Variants in DST observed in about 807,000 individuals in gnomAD.
DST encodes bullous pemphigoid antigen.
A neutral mutation model predicts 875.2 loss-of-function variants in DST; 253 were observed. The ratio of observed to expected loss-of-function variants is 0.29; its 90% confidence interval spans 0.26 to 0.32. The LOEUF (loss-of-function observed/expected upper bound fraction) is 0.32. DST is among the 10% of genes least tolerant of loss of function. The pLI is 1.00. For missense variants in DST, 8,287 were observed against 9,111.6 expected (o/e 0.91, Z 3.68); for synonymous variants, 3,124 against 3,197.1 (o/e 0.98, Z 0.77).
At position 56,463,074 on chromosome 6, in the gene DST, C is replaced by T. The variant is rs373660690; in HGVS notation, c.23042G>A (p.Cys7681Tyr). 8 of 1,612,942 alleles carry T rather than the reference C, an allele frequency of 5.0e-6. No homozygotes were observed. The highest frequency in any genetic ancestry group is 1.3e-5 in the African/African-American group (1 of 74,880). ...TGCAGATGGCACGGGAAAGTCTGAG[C>T]ACTCTGCTGCTTTACAAGGAGTTGA... ...KMSTPCKAAE[C>Y]SDFPVPSAEG... is the part of the protein sequence containing the mutation. The change falls in exon 102 of 104, where the codon TGC becomes TAC. Residue 7681 changes from cysteine to tyrosine, a missense_variant. Transcript: ENST00000680361.
At chr6:56,551,328 A>G (rs1433129148) in intron 61 of DST, among the ~76,000 whole-genome samples, 1 of 152,204 alleles carries the variant, frequency 6.6e-6, no homozygotes, top group African/African-American at 2.4e-5. Flanking sequence ...GGTGCAATAT[A>G]TCTTTGCCAG....
intron 22 of DST, among the ~76,000 whole-genome samples, chr6:56,637,492 T>C (rs764065462): frequency 2.0e-5 from 3 of 152,158 alleles, no homozygotes; most frequent in Non-Finnish European, 4.4e-5. Flanking sequence ...CAGAAATATA[T>C]GGTTATGTCG....
intron 5 of DST, among the ~76,000 whole-genome samples, chr6:56,732,912 T>C (rs1245008135): frequency 6.6e-6 from 1 of 152,176 alleles, no homozygotes; most frequent in Non-Finnish European, 1.5e-5. Context: ...GCTCTACCAG[T>C]AGCAGCTGTG....
At chr6:56,855,314 A>G (rs1767319691) in intron 3 of DST, among the ~76,000 whole-genome samples, 1 of 152,242 alleles carries the variant, frequency 6.6e-6, no homozygotes, top group South Asian at 2.1e-4. Flanking sequence ...TGGGCATAAA[A>G]ATATCACCAA....
At chr6:56,703,897 C>A (rs931895414) in intron 6 of DST, among the ~76,000 whole-genome samples, 151 bp from the exon 7 acceptor site, 2 of 150,348 alleles carry the variant, frequency 1.3e-5, no homozygotes. Context: ...ATGACACCTG[C>A]GGAATGGGTT....
Position 56,750,867 on chromosome 6 carries a change from C to A in DST, c.626-15578G>T, listed in dbSNP as rs9464399. On this transcript the variant is annotated intron_variant, in intron 4 of 103. Coordinates refer to ENST00000680361, the MANE Select transcript of DST (RefSeq NM_001374736.1). ...ACTGAGCAAAAGCTTTAAAAGTGTT[C>A]ATAATGTTTTGTGTTCTATAAGCCA... is the stretch of plus-strand genomic sequence containing the variant. Among the ~76,000 whole-genome samples, 754 of 152,236 alleles carry A rather than the reference C, an allele frequency of 5.0e-3. 6 individuals carry two copies. The highest frequency in any genetic ancestry group is 0.017 in the African/African-American group (727 of 41,546).
In DST at chr6:56,532,359, T is replaced by C; in HGVS notation, c.17093A>G (p.Asn5698Ser). ...LLDSRWEALL[N>S]KAETRNRQLE... Reference sequence around the variant, plus strand: ...TATAAGTTACCTTGTTTCAGCTTTATTAAGCAATGCCTCCCATCTGCTATC... The same window carrying C: ...TATAAGTTACCTTGTTTCAGCTTTACTAAGCAATGCCTCCCATCTGCTATC... The change falls in exon 64 of 104, where the codon AAT becomes AGT. Residue 5698 changes from asparagine (N) to serine (S), a missense_variant. By Grantham distance (46) the Asn-to-Ser change is conservative. Transcript: ENST00000680361. 6.2e-7 allele frequency: 1 copy of C among 1,613,552 alleles called. No homozygotes were observed. Among genetic ancestry groups the C allele is most frequent in the Non-Finnish European group, 8.5e-7 (1 of 1,179,634 alleles).
At chr6:56,711,927 T>A (rs1038783367) in intron 5 of DST, among the ~76,000 whole-genome samples, 1 of 151,178 alleles carries the variant, frequency 6.6e-6, no homozygotes, top group Non-Finnish European at 1.5e-5. Context: ...CCGTCTCTAC[T>A]AAAAATACAA....
At position 56,506,482 on chromosome 6, in the gene DST, C is replaced by T. The variant is rs2096317375; in HGVS notation, c.19425G>A (p.Glu6475=). ...AWKDRIDKLE[E]AMQAAVQYQD... Reference sequence around the variant, plus strand: ...GGTACTGAACGGCAGCCTGCATTGCCTCCTCAAGTTTGTCAATCCGGTCTT... The same window carrying T: ...GGTACTGAACGGCAGCCTGCATTGCTTCCTCAAGTTTGTCAATCCGGTCTT... Residue 6475 remains glutamate, a synonymous_variant, in exon 77 of 104, where the codon GAG becomes GAA. Coordinates refer to ENST00000680361, the MANE Select transcript of DST (RefSeq NM_001374736.1). 3.1e-6 allele frequency: 5 copies of T among 1,613,070 alleles called. No homozygotes were observed. The South Asian group carries it at 5.5e-5, about 18-fold the overall frequency.
chr6:56,493,108 T>C lies in DST; in HGVS notation c.20395-19A>G. 1 of 1,601,104 alleles carries C rather than the reference T, an allele frequency of 6.2e-7. No individual in the cohort carries two copies. The highest frequency in any genetic ancestry group is 8.5e-7 in the Non-Finnish European group (1 of 1,173,016). ...GTTTAGTCTGCAAGGACAGATTGTT[T>C]AGTATGTGATGTTTAAGGGCCTTGG... On this transcript the variant is annotated intron_variant, in intron 83 of 103. Transcript: ENST00000680361.
rs373536998 is a variant in DST, at chr6:56,555,746, G to A, written c.14735C>T (p.Ser4912Phe). Reference protein sequence around the residue: ...GILSRPGEDPSLRGIVKEQLA... With the variant: ...GILSRPGEDPFLRGIVKEQLA... The stretch of plus-strand genomic sequence containing the variant: ...TTGCTCTTTCACAATCCCACGTAAA[G>A]AAGGGTCTTCTCCAGGCCTGCTCAG... The change falls in exon 60 of 104, where the codon TCT becomes TTT. Residue 4912 changes from serine to phenylalanine, a missense_variant. Ser to Phe is a radical substitution (Grantham distance 155, BLOSUM62 -2). Coordinates refer to ENST00000680361, the MANE Select transcript of DST (RefSeq NM_001374736.1). 2.1e-5 allele frequency: 34 copies of A among 1,605,130 alleles called. No homozygotes were observed. In the African/African-American group the frequency reaches 4.4e-4, roughly 21 times the overall value.
At chr6:56,598,960 CA>C (rs1163186526) in intron 45 of DST, among the ~76,000 whole-genome samples, 3 of 152,066 alleles carry the variant, frequency 2.0e-5, no homozygotes, top group Non-Finnish European at 4.4e-5. Context: ...ACTGAAAACA[CA>C]TAAGTATTCA....
chr6:56,519,984 T>C (rs980145319), intron 69 of DST, among the ~76,000 whole-genome samples: 2 of 152,098 alleles, frequency 1.3e-5, no homozygotes, highest in Non-Finnish European at 2.9e-5. Flanking sequence ...ATGTTCACAG[T>C]TGAAACAAAT....
chr6:56,837,659 C>T (rs149811654), intron 4 of DST, among the ~76,000 whole-genome samples: 47 of 152,292 alleles, frequency 3.1e-4, no homozygotes, highest in African/African-American at 9.9e-4. Flanking sequence ...TCTAACCAAT[C>T]CTTTCCCTGA....
Position 56,529,440 on chromosome 6 carries a change from C to T in DST, c.17595+8G>A, listed in dbSNP as rs2096858422. On this transcript the variant is annotated splice_region_variant and intron_variant, in intron 66 of 103. Coordinates refer to ENST00000680361, the MANE Select transcript of DST (RefSeq NM_001374736.1). ...AAAAATAAGATAAAATAAAATAAATCAAAATACCCGAAGTTCAGACTGCTG... is the reference window on the plus strand; with the variant it reads ...AAAAATAAGATAAAATAAAATAAATTAAAATACCCGAAGTTCAGACTGCTG... 2 of 1,448,612 alleles carry T rather than the reference C, an allele frequency of 1.4e-6. No individual in the cohort carries two copies. The highest frequency in any genetic ancestry group is 2.9e-5 in the African/African-American group (2 of 69,874). The allele number at this position is 1,448,612 out of a possible 1,614,324, so 89.7% of individuals were successfully genotyped here.
chr6:56,921,033 C>A lies in DST; in HGVS notation c.217-20412G>T, dbSNP rs62411421. ...TGCTGGGATTACAGGCATGAGCCAC[C>A]ACGCCCAATAGAGCAGCAGACATTT... On this transcript the variant is annotated intron_variant, in intron 2 of 103. Transcript: ENST00000680361. Among the ~76,000 whole-genome samples the A allele has an allele frequency of 4.0e-5, 6 of 151,150 alleles. No individual in the cohort carries two copies. The East Asian group carries it at 1.2e-3, about 29-fold the overall frequency.
At chr6:56,891,483 C>T (rs778532359) in intron 3 of DST, among the ~76,000 whole-genome samples, 7 of 148,730 alleles carry the variant, frequency 4.7e-5, no homozygotes, top group South Asian at 2.1e-4. Flanking sequence ...AGGAGAATGG[C>T]GTGAACCGGG....
At chr6:56,600,044 C>G (rs984674570) in intron 45 of DST, 25 bp downstream of exon 45, 1 of 1,592,480 alleles carries the variant, frequency 6.3e-7, no homozygotes. Context: ...CAACATAGAT[C>G]TGCTGATAGA....
At position 56,460,204 on chromosome 6, in the gene DST, C is replaced by T. The variant is rs1387093279; in HGVS notation, c.23121G>A (p.Gly7707=). 1 of 1,614,002 alleles carries T rather than the reference C, an allele frequency of 6.2e-7. No individual in the cohort carries two copies. Among genetic ancestry groups the T allele is most frequent in the Non-Finnish European group, 8.5e-7 (1 of 1,179,892 alleles). Residue 7707 remains glycine (G), a synonymous_variant, in exon 103 of 104, where the codon GGG becomes GGA. Transcript: ENST00000680361. ...SKLRLPGYLS[G]KGFHSGEDSG... Reference sequence around the variant, plus strand: ...TGTCCTCCCCAGAGTGGAAGCCTTTCCCTGATAAATATCCTGGAAGTCGAA... The same window carrying T: ...TGTCCTCCCCAGAGTGGAAGCCTTTTCCTGATAAATATCCTGGAAGTCGAA...
Sources: gnomAD v4.1 joint callset for allele counts (sites outside exome capture counted in the v4.1 genomes callset) on GRCh38, gnomAD v4.1.1 for gene constraint, MANE v1.5 for transcripts, NCBI Gene and HGNC (gene_info 2026-07-23, HGNC 2026-07-21) for gene names.